Variants in FGF12 observed in about 807,000 individuals in gnomAD.
The protein encoded by FGF12 is fibroblast growth factor 12, also known as fibroblast growth factor 12B.
Under a neutral mutation model 23.6 loss-of-function variants are expected in FGF12, and 14 were observed. The observed-to-expected ratio is 0.59, with a 90% confidence interval of 0.39 to 0.93. FGF12 has a LOEUF of 0.93. FGF12 is among the 40% of genes least tolerant of loss of function. The pLI is 0.00. For synonymous variants in FGF12, 62 were observed against 77.3 expected (o/e 0.80, Z 1.04); for missense variants, 175 against 217.8 (o/e 0.80, Z 1.24).
In FGF12 at chr3:192,211,072, G is replaced by C. The variant is rs140723533; in HGVS notation, c.229-40416C>G. 7.2e-5 allele frequency among the ~76,000 whole-genome samples: 11 copies of C among 152,300 alleles called. 1 individual carries two copies. The East Asian group carries it at 2.1e-3, about 29-fold the overall frequency. On this transcript the variant is annotated intron_variant, in intron 4 of 5. Transcript: ENST00000445105. ...TCCTGTTGTTTGGATTAGGCTCCAA[G>C]GGTGCAATGGTGGATTCCCACCACT...
At chr3:192,675,102 C>T (rs1033988706) in intron 2 of FGF12, among the ~76,000 whole-genome samples, 13 of 152,216 alleles carry the variant, frequency 8.5e-5, no homozygotes, top group African/African-American at 2.9e-4. Flanking sequence ...ACTTTGGAGA[C>T]AGTCTTAGGG....
intron 2 of FGF12, among the ~76,000 whole-genome samples, chr3:192,383,759 A>G (rs1470004327): frequency 6.6e-6 from 1 of 152,174 alleles, no homozygotes; most frequent in African/African-American, 2.4e-5. Flanking sequence ...GAGGAGGGAA[A>G]TATTAGAAGA....
chr3:192,501,774 A>T (rs979294245), intron 2 of FGF12, among the ~76,000 whole-genome samples: 1 of 152,252 alleles, frequency 6.6e-6, no homozygotes, highest in African/African-American at 2.4e-5. Context: ...CTGATTAAGA[A>T]TGGCACACTT....
At chr3:192,565,942 C>T (rs751597476) in intron 2 of FGF12, among the ~76,000 whole-genome samples, 18 of 152,114 alleles carry the variant, frequency 1.2e-4, no homozygotes, top group Non-Finnish European at 1.9e-4. Context: ...CAAAATTAGC[C>T]GAGCATGGTA....
At chr3:192,318,065 T>G (rs1204677711) in intron 4 of FGF12, among the ~76,000 whole-genome samples, 2 of 152,170 alleles carry the variant, frequency 1.3e-5, no homozygotes, top group Non-Finnish European at 2.9e-5. Context: ...ATGGCTGCAA[T>G]AGCCAAAAAC....
chr3:192,353,612 G>A (rs904932115), intron 3 of FGF12, among the ~76,000 whole-genome samples: 6 of 152,082 alleles, frequency 3.9e-5, no homozygotes, highest in South Asian at 4.2e-4. Flanking sequence ...CTTGTGATCC[G>A]CCAGCCTCGG....
intron 2 of FGF12, among the ~76,000 whole-genome samples, chr3:192,719,370 T>A (rs903370177): frequency 6.6e-6 from 1 of 152,192 alleles, no homozygotes; most frequent in Non-Finnish European, 1.5e-5. Context: ...GTCTCCTTCA[T>A]GTTTACGTTA....
chr3:192,168,812 A>T (rs144514288), intron 5 of FGF12, among the ~76,000 whole-genome samples: 4 of 152,368 alleles, frequency 2.6e-5, no homozygotes, highest in African/African-American at 9.6e-5. Context: ...CATGAATAAG[A>T]GGAGACAGAG....
At chr3:192,387,967 G>C (rs1720119727) in intron 2 of FGF12, among the ~76,000 whole-genome samples, 1 of 152,050 alleles carries the variant, frequency 6.6e-6, no homozygotes, top group Non-Finnish European at 1.5e-5. Context: ...TTATATAATT[G>C]AACATACATA....
rs534536123 is a variant in FGF12 at position 192,481,441 on chromosome 3, G to C, written c.14-120903C>G. Reference sequence around the variant, plus strand: ...AGGATTTACCAGTATCTCCAACTAGGGGAAGGTCCTAATTAATCCACATCT... The same window carrying C: ...AGGATTTACCAGTATCTCCAACTAGCGGAAGGTCCTAATTAATCCACATCT... On this transcript the variant is annotated intron_variant, in intron 2 of 5. Transcript: ENST00000445105. Among the ~76,000 whole-genome samples, 3 of 152,228 alleles carry C rather than the reference G, an allele frequency of 2.0e-5. No individual in the cohort carries two copies. In the South Asian group the frequency reaches 6.2e-4, roughly 32 times the overall value.
intron 4 of FGF12, among the ~76,000 whole-genome samples, chr3:192,315,681 A>C (rs923991702): frequency 6.6e-6 from 1 of 152,174 alleles, no homozygotes; most frequent in African/African-American, 2.4e-5. Flanking sequence ...ATGTTTTTAC[A>C]TTTTGCAGAC....
intron 2 of FGF12, among the ~76,000 whole-genome samples, chr3:192,453,330 A>C (rs907174433): frequency 6.6e-6 from 1 of 152,126 alleles, no homozygotes; most frequent in African/African-American, 2.4e-5. Flanking sequence ...TCTATATCTA[A>C]ACTTATAAAT....
intron 4 of FGF12, among the ~76,000 whole-genome samples, chr3:192,270,717 T>C (rs774174076): frequency 5.4e-5 from 8 of 149,372 alleles, no homozygotes; most frequent in Admixed American, 1.3e-4. Flanking sequence ...AGAAGAAAAA[T>C]GCTATGCTGA....
intron 2 of FGF12, among the ~76,000 whole-genome samples, chr3:192,406,700 C>T (rs1482726426): frequency 2.6e-5 from 4 of 152,070 alleles, no homozygotes; most frequent in African/African-American, 9.7e-5. Flanking sequence ...GAAAATGAGC[C>T]TAGTATGGAG....
At chr3:192,626,452 T>C (rs1320184167) in intron 2 of FGF12, among the ~76,000 whole-genome samples, 1 of 152,156 alleles carries the variant, frequency 6.6e-6, no homozygotes, top group Non-Finnish European at 1.5e-5. Flanking sequence ...AGAGAATCTA[T>C]AAGGAAAATT....
chr3:192,407,276 A>C (rs1246778279), intron 2 of FGF12, among the ~76,000 whole-genome samples: 1 of 152,190 alleles, frequency 6.6e-6, no homozygotes, highest in Non-Finnish European at 1.5e-5. Context: ...TTGAGGCCAA[A>C]CTGTGTATAC....
intron 4 of FGF12, among the ~76,000 whole-genome samples, chr3:192,174,919 C>A (rs182923180): frequency 6.6e-6 from 1 of 152,258 alleles, no homozygotes. Flanking sequence ...CAACCTCCAA[C>A]TCATTATTCA....
intron 2 of FGF12, among the ~76,000 whole-genome samples, chr3:192,601,168 G>T (rs1714100236): frequency 6.6e-6 from 1 of 152,064 alleles, no homozygotes; most frequent in Admixed American, 6.6e-5. Context: ...GAAGTGGAGG[G>T]CATTACATTA....
chr3:192,433,774 G>A (rs1721932940), intron 2 of FGF12, among the ~76,000 whole-genome samples: 1 of 152,130 alleles, frequency 6.6e-6, no homozygotes, highest in African/African-American at 2.4e-5. Context: ...GCTAAGAAAC[G>A]TGGGAGAATT....
Sources: allele counts gnomAD v4.1 joint callset (sites outside exome capture counted in the v4.1 genomes callset), GRCh38; gene constraint gnomAD v4.1.1; transcripts MANE v1.5; gene names NCBI Gene and HGNC (gene_info 2026-07-23, HGNC 2026-07-21).